NIPA1: variants seen among roughly 807,000 people sequenced by gnomAD.
NIPA1 encodes NIPA magnesium transporter 1.
NIPA1 carries 13 observed loss-of-function variants against 23.9 expected under a neutral mutation model. The ratio of observed to expected loss-of-function variants is 0.54; its 90% CI spans 0.35 to 0.87. The LOEUF (loss-of-function observed/expected upper bound fraction) is 0.87, where lower values mean the gene tolerates loss of function less well. Ranked by LOEUF, NIPA1 falls within the 40% of genes least tolerant of loss-of-function variation. The probability of loss-of-function intolerance (pLI) is 0.01; values close to 1 mark genes in which losing one functional copy is unlikely to be tolerated. For missense variants in NIPA1, 362 were observed against 429.7 expected (o/e 0.84, Z 1.39); for synonymous variants, 234 against 202.9 (o/e 1.15, Z -1.30).
intron 1 of NIPA1, among the ~76,000 whole-genome samples, chr15:22,797,773 GATTAC>G (rs2140853401): frequency 6.6e-6 from 1 of 151,696 alleles, no homozygotes; most frequent in Admixed American, 6.6e-5. Flanking sequence ...AAAGTATTGG[GATTAC>G]AGCAGGCGTG....
chr15:22,815,662 A>C (rs1309766831), intron 3 of NIPA1, among the ~76,000 whole-genome samples: 1 of 152,156 alleles, frequency 6.6e-6, no homozygotes, highest in Non-Finnish European at 1.5e-5. Context: ...CTCATTAAAA[A>C]AACAACTATG....
chr15:22,808,288 C>T (rs1037993837), intron 1 of NIPA1, among the ~76,000 whole-genome samples: 1 of 152,222 alleles, frequency 6.6e-6, no homozygotes, highest in Admixed American at 6.5e-5. Context: ...ACAGTGCCCA[C>T]CATGGGACAT....
chr15:22,798,454 T>G (rs1235085118), intron 1 of NIPA1, among the ~76,000 whole-genome samples: 1 of 147,230 alleles, frequency 6.8e-6, no homozygotes, highest in Non-Finnish European at 1.5e-5. Context: ...TTGGCCAGGA[T>G]GGTCTTGATC....
At chr15:22,788,241 C>G (rs1487889329) in intron 1 of NIPA1, among the ~76,000 whole-genome samples, 1 of 152,114 alleles carries the variant, frequency 6.6e-6, no homozygotes, top group East Asian at 1.9e-4. Flanking sequence ...GTGGCTGGTG[C>G]CTGTAGTCCC....
chr15:22,805,609 C>G (rs1397442430), intron 1 of NIPA1, among the ~76,000 whole-genome samples: 1 of 152,062 alleles, frequency 6.6e-6, no homozygotes, highest in East Asian at 1.9e-4. Context: ...CTGTTTGAAC[C>G]CAGGAGTCAG....
At chr15:22,790,546 A>G (rs570530403) in intron 1 of NIPA1, among the ~76,000 whole-genome samples, 1 of 151,154 alleles carries the variant, frequency 6.6e-6, no homozygotes, top group African/African-American at 2.4e-5. Flanking sequence ...CCTCCCGAGT[A>G]GTTGGGTTAT....
At chr15:22,822,281 G>A (rs1253582393) in intron 4 of NIPA1, among the ~76,000 whole-genome samples, 1 of 152,128 alleles carries the variant, frequency 6.6e-6, no homozygotes, top group African/African-American at 2.4e-5. Flanking sequence ...GATTATTATA[G>A]GCATATTTTT....
intron 1 of NIPA1, among the ~76,000 whole-genome samples, chr15:22,806,070 C>T (rs1895203834): frequency 6.6e-6 from 1 of 152,084 alleles, no homozygotes; most frequent in Non-Finnish European, 1.5e-5. Context: ...ACTACAGGCG[C>T]CCGCCACCAC....
chr15:22,820,694 G>A (rs1355224773), intron 4 of NIPA1, among the ~76,000 whole-genome samples: 2 of 148,808 alleles, frequency 1.3e-5, no homozygotes, highest in Non-Finnish European at 3.0e-5. Flanking sequence ...CAGGCCCTGC[G>A]GGGAGCCTCC....
At chr15:22,806,170 G>A (rs556042648) in intron 1 of NIPA1, among the ~76,000 whole-genome samples, 6 of 152,114 alleles carry the variant, frequency 3.9e-5, no homozygotes, top group South Asian at 2.1e-4. Context: ...TGATCCGCCC[G>A]CCTCGGCCTC....
intron 3 of NIPA1, among the ~76,000 whole-genome samples, chr15:22,812,695 T>C (rs1361407932): frequency 6.6e-6 from 1 of 152,130 alleles, no homozygotes; most frequent in Non-Finnish European, 1.5e-5. Context: ...CTACTCTATA[T>C]CGTTTAATTT....
At chr15:22,805,415 G>A (rs564399514) in intron 1 of NIPA1, among the ~76,000 whole-genome samples, 4 of 152,106 alleles carry the variant, frequency 2.6e-5, no homozygotes, top group African/African-American at 4.8e-5. Flanking sequence ...GACCGGGCGC[G>A]GTGGCTCACG....
At chr15:22,801,144 G>T (rs943589924) in intron 1 of NIPA1, among the ~76,000 whole-genome samples, 1 of 151,910 alleles carries the variant, frequency 6.6e-6, no homozygotes, top group Non-Finnish European at 1.5e-5. Context: ...TCCTGTGGTT[G>T]TGTTCAGTCT....
rs2140880140 is a variant in NIPA1 at position 22,827,186 on chromosome 15, C to G, written c.*2947C>G. The G allele has an allele frequency of 6.6e-6, 1 of 152,278 alleles. No individual in the cohort carries two copies. The highest frequency in any genetic ancestry group is 2.4e-5 in the African/African-American group (1 of 41,552). The allele number at this position is 152,278 out of a possible 1,614,324, so 9.4% of individuals were successfully genotyped here. A position where few individuals can be genotyped will look rare whatever the true frequency, so the allele number is the denominator to read the frequency against. On this transcript the variant is annotated 3_prime_UTR_variant, in exon 5 of 5. Coordinates refer to ENST00000337435, the MANE Select transcript of NIPA1 (RefSeq NM_144599.5). ...GGTTTTGATCACAATATGCAGATTT[C>G]TCTTGATAGATACTTAAATAGGCTA...
intron 1 of NIPA1, among the ~76,000 whole-genome samples, chr15:22,798,238 C>CT (rs10582336): frequency 0.091 from 11,395 of 124,660 alleles, 674 homozygotes; most frequent in Non-Finnish European, 0.13. Flanking sequence ...TGCTAAAAAT[C>CT]TTTTTTTTTT....
Position 22,786,668 on chromosome 15 carries a change from A to G in NIPA1, c.12A>G (p.Ala4=), listed in dbSNP as rs1179631164. The change falls in exon 1 of 5, where the codon GCA becomes GCG. Residue 4 remains alanine, a synonymous_variant. Coordinates refer to ENST00000337435, the MANE Select transcript of NIPA1 (RefSeq NM_144599.5). MGT[A]AAAAAAAAAA... ...CGGGCGCGGGCGGAATGGGGACTGC[A>G]GCTGCGGCAGCGGCGGCGGCGGCGG... The G allele has an allele frequency of 1.5e-5, 16 of 1,066,258 alleles. No individual in the cohort carries two copies. Among genetic ancestry groups the G allele is most frequent in the Admixed American group, 4.8e-5 (1 of 20,686 alleles). The allele number at this position is 1,066,258 out of a possible 1,614,324, so 66.0% of individuals were successfully genotyped here. A position where few individuals can be genotyped will look rare whatever the true frequency, so the allele number is the denominator to read the frequency against.
intron 1 of NIPA1, among the ~76,000 whole-genome samples, chr15:22,789,690 G>A (rs1482398236): frequency 6.6e-6 from 1 of 152,184 alleles, no homozygotes; most frequent in Non-Finnish European, 1.5e-5. Context: ...TACCAGTGGG[G>A]AATCCATGTG....
rs1431568605 is a variant in NIPA1, at chr15:22,820,429, G to A, written c.434G>A (p.Ser145Asn). 6.2e-7 allele frequency: 1 copy of A among 1,612,968 alleles called. No individual in the cohort carries two copies. Among genetic ancestry groups the A allele is most frequent in the Non-Finnish European group, 8.5e-7 (1 of 1,179,002 alleles). ...ATTATCCACTCCCCAAAGTCTGAGA[G>A]TGTGACAACTCAGGCTGAGCTGGAG... ...VLIIHSPKSE[S>N]VTTQAELEEK... is the part of the protein sequence containing the mutation. Residue 145 changes from serine (S) to asparagine (N), a missense_variant, in exon 4 of 5, where the codon AGT (serine) becomes AAT (asparagine). Ser to Asn is a conservative substitution (Grantham distance 46). This residue lies in a region of NIPA1 where 277 missense variants were observed against 372.0 expected (regional missense o/e 0.74). Transcript: ENST00000337435.
At position 22,824,296 on chromosome 15, in the gene NIPA1, G is replaced by A. The variant is rs886051006; in HGVS notation, c.*57G>A. 40 of 1,392,408 alleles carry A rather than the reference G, an allele frequency of 2.9e-5. No individual in the cohort carries two copies. The East Asian group carries it at 5.9e-4, about 21-fold the overall frequency. The allele number at this position is 1,392,408 out of a possible 1,614,324, so 86.3% of individuals were successfully genotyped here. On this transcript the variant is annotated 3_prime_UTR_variant, in exon 5 of 5. Transcript: ENST00000337435. The surrounding 1 kb of genome is among the most constrained non-coding windows in gnomAD (Gnocchi z 4.1). Reference sequence around the variant, plus strand: ...TAGGCATTGGAGGTGGTTTCTGGCCGTGATTGGATGTGAAGTAGAAGAGGT... The same window carrying A: ...TAGGCATTGGAGGTGGTTTCTGGCCATGATTGGATGTGAAGTAGAAGAGGT...
Sources: gnomAD v4.1 joint callset for allele counts (sites outside exome capture counted in the v4.1 genomes callset) on GRCh38, gnomAD v4.1.1 for gene constraint, gnomAD v4.1.1 regional missense constraint, Gnocchi (gnomAD v3.1) non-coding constraint, MANE v1.5 for transcripts, NCBI Gene and HGNC (gene_info 2026-07-23, HGNC 2026-07-21) for gene names.